Variants in TRAF3 observed in about 807,000 individuals in gnomAD.
The protein encoded by TRAF3 is TNF receptor associated factor 3.
A neutral mutation model predicts 62.3 loss-of-function variants in TRAF3; 13 were observed. That is an observed-to-expected ratio of 0.21 (90% CI 0.14 to 0.33). The LOEUF is 0.33. Among genes scored for constraint, TRAF3 ranks in the 10% least tolerant of loss-of-function variants. The pLI is 1.00. For synonymous variants in TRAF3, 269 were observed against 283.4 expected (o/e 0.95, Z 0.51); for missense variants, 440 against 741.8 (o/e 0.59, Z 4.73).
chr14:102,887,553 C>A (rs1211805851), intron 7 of TRAF3, among the ~76,000 whole-genome samples: 2 of 152,058 alleles, frequency 1.3e-5, no homozygotes, highest in Admixed American at 1.3e-4. Flanking sequence ...CACAACTGGA[C>A]AATCCTCTGT....
At chr14:102,896,570 T>C (rs946510855) in intron 9 of TRAF3, among the ~76,000 whole-genome samples, 14 of 152,324 alleles carry the variant, frequency 9.2e-5, no homozygotes, top group Non-Finnish European at 1.8e-4. Flanking sequence ...TTGGTATAAG[T>C]GGGGTGATAC....
chr14:102,900,948 C>T (rs373504479), intron 10 of TRAF3, among the ~76,000 whole-genome samples: 4 of 152,278 alleles, frequency 2.6e-5, no homozygotes, highest in African/African-American at 4.8e-5. Context: ...GAGTGTAGAC[C>T]GTTCTTCAAG....
At chr14:102,864,433 C>G (rs1286428260) in intron 2 of TRAF3, among the ~76,000 whole-genome samples, 1 of 152,146 alleles carries the variant, frequency 6.6e-6, no homozygotes, top group African/African-American at 2.4e-5. Context: ...CAGGTGTGAG[C>G]CACCGCGCCC....
intron 1 of TRAF3, among the ~76,000 whole-genome samples, chr14:102,795,823 T>G (rs1308237917): frequency 6.6e-6 from 1 of 152,074 alleles, no homozygotes; most frequent in African/African-American, 2.4e-5. Context: ...CCAAGATAAG[T>G]CCGAACAGAC....
intron 1 of TRAF3, among the ~76,000 whole-genome samples, chr14:102,781,149 T>C (rs950962006): frequency 6.7e-6 from 1 of 149,886 alleles, no homozygotes; most frequent in African/African-American, 2.4e-5. Flanking sequence ...AGCTCTGGTA[T>C]AGTGGGGCCA....
intron 1 of TRAF3, among the ~76,000 whole-genome samples, chr14:102,829,836 A>T (rs1900558774): frequency 6.6e-6 from 1 of 152,182 alleles, no homozygotes; most frequent in Non-Finnish European, 1.5e-5. Context: ...TGTTAGAAAT[A>T]TATGTAGCAT....
chr14:102,782,504 A>G (rs2140054661), intron 1 of TRAF3, among the ~76,000 whole-genome samples: 1 of 152,296 alleles, frequency 6.6e-6, no homozygotes, highest in East Asian at 1.9e-4. Context: ...AAGTGCTGGG[A>G]TTACAGGCGT....
intron 1 of TRAF3, among the ~76,000 whole-genome samples, chr14:102,820,874 A>T (rs1899942653): frequency 2.0e-5 from 3 of 151,552 alleles, no homozygotes; most frequent in Admixed American, 2.0e-4. Context: ...GTTCAAGCAG[A>T]TCCTCCTGGC....
chr14:102,783,711 A>G (rs1382048475), intron 1 of TRAF3, among the ~76,000 whole-genome samples: 1 of 152,190 alleles, frequency 6.6e-6, no homozygotes, highest in Non-Finnish European at 1.5e-5. Flanking sequence ...CTGGAATCCC[A>G]CTGTGTATCC....
intron 2 of TRAF3, among the ~76,000 whole-genome samples, chr14:102,852,540 C>T (rs899190600): frequency 6.6e-6 from 1 of 152,106 alleles, no homozygotes; most frequent in African/African-American, 2.4e-5. Flanking sequence ...AACATTATCC[C>T]CTGAAACTTA....
intron 2 of TRAF3, among the ~76,000 whole-genome samples, chr14:102,853,809 G>A (rs538319696): frequency 6.9e-4 from 103 of 149,334 alleles, no homozygotes; most frequent in Non-Finnish European, 1.3e-3. Context: ...CTGTACTCTA[G>A]CCTGGGCGAC....
At chr14:102,862,398 C>T (rs1228328402) in intron 2 of TRAF3, among the ~76,000 whole-genome samples, 1 of 106,086 alleles carries the variant, frequency 9.4e-6, no homozygotes, top group African/African-American at 7.1e-5. Flanking sequence ...AAGATCCCTT[C>T]TCCAAAAAAA....
Position 102,907,624 on chromosome 14 carries a change from TC to T in TRAF3, c.*1844del. On this transcript the variant is annotated 3_prime_UTR_variant, in exon 12 of 12. Transcript: ENST00000392745. ...CACGTCAGACTGCCTGCCTCGGCTCTCCCCGTGGCCGCGCGGGGACAGCTTG... is the reference window on the plus strand; with the variant it reads ...CACGTCAGACTGCCTGCCTCGGCTCTCCCGTGGCCGCGCGGGGACAGCTTG... 6.6e-6 allele frequency: 1 copy of T among 152,420 alleles called. No individual in the cohort carries two copies. The highest frequency in any genetic ancestry group is 3.4e-3 in the Middle Eastern group (1 of 294). The allele number at this position is 152,420 out of a possible 1,614,324, so 9.4% of individuals were successfully genotyped here.
chr14:102,822,945 G>T (rs1900070243), intron 1 of TRAF3, among the ~76,000 whole-genome samples: 1 of 151,884 alleles, frequency 6.6e-6, no homozygotes, highest in Non-Finnish European at 1.5e-5. Context: ...GGCAGAGGTT[G>T]CGGTGAGCCG....
At position 102,908,435 on chromosome 14, in the gene TRAF3, C is replaced by A. The variant is rs1252506169; in HGVS notation, c.*2651C>A. On this transcript the variant is annotated 3_prime_UTR_variant, in exon 12 of 12. Transcript: ENST00000392745. ...TGTACTCAACACAGTGGGCAGCAGC[C>A]TGGGACGGCGTCCCCTCTCCCGGCG... The A allele has an allele frequency of 6.6e-6, 1 of 152,380 alleles. No individual in the cohort carries two copies. The highest frequency in any genetic ancestry group is 2.4e-5 in the African/African-American group (1 of 41,466). 9.4% of individuals were successfully genotyped at this position (152,380 alleles called of 1,614,324 possible). A position where few individuals can be genotyped will look rare whatever the true frequency, so the allele number is the denominator to read the frequency against.
At chr14:102,840,373 G>A (rs1009354906) in intron 2 of TRAF3, among the ~76,000 whole-genome samples, 2 of 152,126 alleles carry the variant, frequency 1.3e-5, no homozygotes, top group Non-Finnish European at 2.9e-5. Context: ...TGAGACTACA[G>A]GCACATGCCA....
At chr14:102,812,169 C>T (rs553600782) in intron 1 of TRAF3, among the ~76,000 whole-genome samples, 1 of 152,052 alleles carries the variant, frequency 6.6e-6, no homozygotes, top group Non-Finnish European at 1.5e-5. Flanking sequence ...CCTACCCTTC[C>T]TAACCTCTAG....
chr14:102,835,670 G>A (rs139980988), intron 2 of TRAF3, among the ~76,000 whole-genome samples: 1 of 152,290 alleles, frequency 6.6e-6, no homozygotes, highest in East Asian at 1.9e-4. Flanking sequence ...ACCAAGTACC[G>A]AATGTTCTCA....
chr14:102,796,317 C>T (rs1054489517), intron 1 of TRAF3, among the ~76,000 whole-genome samples: 2 of 152,262 alleles, frequency 1.3e-5, no homozygotes, highest in East Asian at 1.9e-4. Flanking sequence ...TGGAGGCTCC[C>T]GCCTGGCCTC....
Sources: allele counts gnomAD v4.1 joint callset (sites outside exome capture counted in the v4.1 genomes callset), GRCh38; gene constraint gnomAD v4.1.1; transcripts MANE v1.5; gene names NCBI Gene and HGNC (gene_info 2026-07-23, HGNC 2026-07-21).